The following SMG7 variants were observed in gnomAD, a reference collection of about 807,000 sequenced individuals.
The protein encoded by SMG7 is nonsense-mediated mRNA decay factor SMG7.
In SMG7, 34 loss-of-function variants were observed where a neutral mutation model predicts 148.2. The observed-to-expected ratio is 0.23, with a 90% confidence interval of 0.17 to 0.31. The LOEUF (loss-of-function observed/expected upper bound fraction) is 0.31, where lower values mean the gene tolerates loss of function less well. Among genes scored for constraint, SMG7 ranks in the 10% least tolerant of loss-of-function variants. SMG7 has a pLI of 1.00. For synonymous variants in SMG7, 492 were observed against 515.1 expected, an observed-to-expected ratio of 0.96 and a Z score of 0.61; for missense variants, 1,114 against 1,408.4, an observed-to-expected ratio of 0.79 and a Z score of 3.35.
intron 5 of SMG7, among the ~76,000 whole-genome samples, chr1:183,526,987 T>C (rs1665999998): frequency 6.6e-6 from 1 of 152,214 alleles, no homozygotes; most frequent in African/African-American, 2.4e-5. Context: ...GATTTAAATT[T>C]TATTCCAACT....
chr1:183,552,008 C>A lies in SMG7; in HGVS notation c.*77C>A. On this transcript the variant is annotated 3_prime_UTR_variant, in exon 23 of 23. Coordinates refer to ENST00000688051, the MANE Select transcript of SMG7 (RefSeq NM_001375584.1). The stretch of plus-strand genomic sequence containing the variant: ...GTTTGCAGGACTGGCCCACACAGTC[C>A]CCTGCAGGTGGCAGCCCTCTTTTCT... The A allele has an allele frequency of 6.7e-7, 1 of 1,481,838 alleles. No homozygotes were observed. Among genetic ancestry groups the A allele is most frequent in the Non-Finnish European group, 9.1e-7 (1 of 1,104,190 alleles). The allele number at this position is 1,481,838 out of a possible 1,614,324, so 91.8% of individuals were successfully genotyped here.
chr1:183,503,798 C>A (rs775391350), intron 1 of SMG7, among the ~76,000 whole-genome samples: 1 of 152,172 alleles, frequency 6.6e-6, no homozygotes, highest in Non-Finnish European at 1.5e-5. Flanking sequence ...TTCCTCATAG[C>A]AACTTTGAAA....
At chr1:183,551,219 A>T in intron 22 of SMG7, 29 bp downstream of exon 22, 2 of 1,546,450 alleles carry the variant, frequency 1.3e-6, no homozygotes, top group Non-Finnish European at 1.7e-6. Context: ...CAAGAACCAC[A>T]AGATTATTAC....
intron 12 of SMG7, among the ~76,000 whole-genome samples, chr1:183,540,508 A>G (rs779415689): frequency 6.6e-6 from 1 of 151,916 alleles, no homozygotes; most frequent in African/African-American, 2.4e-5. Flanking sequence ...GAGTTATTCT[A>G]TATGCTTTAC....
At chr1:183,525,598 G>A (rs1665681513) in intron 4 of SMG7, among the ~76,000 whole-genome samples, 2 of 152,074 alleles carry the variant, frequency 1.3e-5, no homozygotes, top group South Asian at 4.1e-4. Context: ...GGGAGACGTG[G>A]TGTGTAGGCC....
At chr1:183,532,277 C>T (rs1250197512) in intron 8 of SMG7, among the ~76,000 whole-genome samples, 2 of 152,120 alleles carry the variant, frequency 1.3e-5, no homozygotes, top group African/African-American at 4.8e-5. Flanking sequence ...GATAATGAAT[C>T]CCTGCTCTCT....
chr1:183,542,925 A>ATGTGTGTGTG (rs761811792), intron 14 of SMG7, among the ~76,000 whole-genome samples: 38 of 141,582 alleles, frequency 2.7e-4, no homozygotes, highest in African/African-American at 8.3e-4. Flanking sequence ...TAATATATAT[A>ATGTGTGTGTG]TATGTGTGTG....
intron 4 of SMG7, among the ~76,000 whole-genome samples, chr1:183,526,183 C>T (rs988465660): frequency 6.8e-6 from 1 of 146,732 alleles, no homozygotes; most frequent in Non-Finnish European, 1.5e-5. Flanking sequence ...CAGTCTTGCT[C>T]TCTCACCCAG....
At chr1:183,524,219 C>CTA (rs1665367717) in intron 4 of SMG7, among the ~76,000 whole-genome samples, 1 of 152,138 alleles carries the variant, frequency 6.6e-6, no homozygotes, top group East Asian at 1.9e-4. Context: ...AGTACGGGGA[C>CTA]TATAGCACTG....
chr1:183,549,761 C>T lies in SMG7; in HGVS notation c.2974-3C>T, dbSNP rs1419575875. On this transcript the variant is annotated splice_polypyrimidine_tract_variant and splice_region_variant and intron_variant, in intron 19 of 22. Coordinates refer to ENST00000688051, the MANE Select transcript of SMG7 (RefSeq NM_001375584.1). The stretch of plus-strand genomic sequence containing the variant: ...TTTATAACTTCACTGTCATGTCTTT[C>T]AGGAAAGATACCCAAATAATAGTAT... 6.2e-7 allele frequency: 1 copy of T among 1,612,572 alleles called. No individual in the cohort carries two copies. The highest frequency in any genetic ancestry group is 8.5e-7 in the Non-Finnish European group (1 of 1,178,766).
intron 1 of SMG7, among the ~76,000 whole-genome samples, chr1:183,498,771 A>G (rs1659119407): frequency 6.6e-6 from 1 of 152,138 alleles, no homozygotes; most frequent in Non-Finnish European, 1.5e-5. Flanking sequence ...TATTCACCCA[A>G]AGTTCATTTT....
At chr1:183,510,812 T>TA (rs1661938405) in intron 1 of SMG7, among the ~76,000 whole-genome samples, 1 of 151,916 alleles carries the variant, frequency 6.6e-6, no homozygotes, top group African/African-American at 2.4e-5. Flanking sequence ...ATATTTACAG[T>TA]AAAAATTTCA....
chr1:183,477,377 C>T (rs1421526772), intron 1 of SMG7, among the ~76,000 whole-genome samples: 2 of 151,652 alleles, frequency 1.3e-5, no homozygotes, highest in African/African-American at 4.8e-5. Flanking sequence ...CAGGAAAGGT[C>T]CAGAAAGTAT....
Position 183,537,217 on chromosome 1 carries a change from TAA to T in SMG7, c.1234+3_1234+4del, listed in dbSNP as rs1667948112. 6.2e-7 allele frequency: 1 copy of T among 1,604,992 alleles called. No homozygotes were observed. The highest frequency in any genetic ancestry group is 1.3e-5 in the African/African-American group (1 of 74,774). ...AAGAGGACCTCTCAAGTATTAGTGG[TAA>T]GGGCTACCCTAACCTTGTGTTGTTG... On this transcript the variant is annotated splice_donor_region_variant and intron_variant, in intron 11 of 22. Coordinates refer to ENST00000688051, the MANE Select transcript of SMG7 (RefSeq NM_001375584.1).
chr1:183,541,817 T>A (rs771060828), intron 13 of SMG7, among the ~76,000 whole-genome samples: 12 of 152,196 alleles, frequency 7.9e-5, no homozygotes, highest in Non-Finnish European at 1.8e-4. Flanking sequence ...TGTCTTGCAC[T>A]TGAAGCATGC....
chr1:183,494,357 T>C (rs967092925), intron 1 of SMG7, among the ~76,000 whole-genome samples: 8 of 151,452 alleles, frequency 5.3e-5, no homozygotes, highest in South Asian at 4.1e-4. Context: ...TAGGGGACTT[T>C]TTTGGTTTTT....
At chr1:183,481,857 C>T (rs1405973831) in intron 1 of SMG7, among the ~76,000 whole-genome samples, 3 of 150,862 alleles carry the variant, frequency 2.0e-5, no homozygotes, top group African/African-American at 7.2e-5. Context: ...GACAGGATTT[C>T]GCTCTGTTGC....
chr1:183,551,027 T>C lies in SMG7; in HGVS notation c.3305-18T>C, dbSNP rs757603013. 6.2e-7 allele frequency: 1 copy of C among 1,614,036 alleles called. No homozygotes were observed. The highest frequency in any genetic ancestry group is 8.5e-7 in the Non-Finnish European group (1 of 1,179,974). On this transcript the variant is annotated intron_variant, in intron 21 of 22. Transcript: ENST00000688051. ...AGAACATCTTCTTGAATTTTTCTTA[T>C]CTCTTTTCATCCCTTAGCCATGGGT... is the stretch of plus-strand genomic sequence containing the variant.
intron 1 of SMG7, 127 bp downstream of exon 1, chr1:183,472,776 G>A (rs1002335842): frequency 7.3e-5 from 61 of 836,022 alleles, no homozygotes; most frequent in Non-Finnish European, 9.8e-5. Flanking sequence ...CGGGCAGGTC[G>A]GCGGAGACTG....
Sources: allele counts gnomAD v4.1 joint callset (sites outside exome capture counted in the v4.1 genomes callset), GRCh38; gene constraint gnomAD v4.1.1; transcripts MANE v1.5; gene names NCBI Gene and HGNC (gene_info 2026-07-23, HGNC 2026-07-21).